SPAG16: variants seen among roughly 807,000 people sequenced by gnomAD.
The protein encoded by SPAG16 is sperm-associated antigen 16 protein.
SPAG16 carries 86 observed loss-of-function variants against 80.4 expected under a neutral mutation model. The ratio of observed to expected loss-of-function variants is 1.07; its 90% CI spans 0.90 to 1.28. SPAG16 has a LOEUF of 1.28. SPAG16 is among the 50% of genes most tolerant of loss of function. The probability of loss-of-function intolerance (pLI) is 0.00; values close to 1 mark genes in which losing one functional copy is unlikely to be tolerated. For missense variants in SPAG16, 870 were observed against 765.3 expected (o/e 1.14, Z -1.61); for synonymous variants, 294 against 265.9 (o/e 1.11, Z -1.03).
intron 10 of SPAG16, among the ~76,000 whole-genome samples, chr2:213,676,461 A>C (rs866809310): frequency 4.0e-5 from 6 of 149,980 alleles, no homozygotes; most frequent in African/African-American, 9.9e-5. Flanking sequence ...GTCTTGTGCC[A>C]GTTTTCAAAG....
chr2:213,437,649 T>C (rs916767546), intron 9 of SPAG16, among the ~76,000 whole-genome samples: 1 of 152,200 alleles, frequency 6.6e-6, no homozygotes, highest in Non-Finnish European at 1.5e-5. Context: ...TGACCTTTAC[T>C]TTTTACCCCA....
chr2:213,995,522 G>A (rs1181895103), intron 12 of SPAG16, among the ~76,000 whole-genome samples: 3 of 152,114 alleles, frequency 2.0e-5, no homozygotes, highest in African/African-American at 4.8e-5. Context: ...AAGAAATATG[G>A]CATTTCCTTG....
chr2:214,175,623 C>T (rs1045683488), intron 15 of SPAG16, among the ~76,000 whole-genome samples: 8 of 151,256 alleles, frequency 5.3e-5, no homozygotes, highest in Non-Finnish European at 1.0e-4. Context: ...CAAAAAAGAG[C>T]AATGTCAAAA....
intron 12 of SPAG16, among the ~76,000 whole-genome samples, chr2:213,995,701 C>T (rs1204257286): frequency 6.6e-6 from 1 of 152,100 alleles, no homozygotes; most frequent in Non-Finnish European, 1.5e-5. Context: ...GGTCATCTGC[C>T]CACTGCTGAA....
chr2:214,061,709 C>T (rs1039049431), intron 13 of SPAG16, among the ~76,000 whole-genome samples: 25 of 150,886 alleles, frequency 1.7e-4, no homozygotes, highest in African/African-American at 5.6e-4. Flanking sequence ...TGACCAAAAA[C>T]TGGATACTAT....
In SPAG16 at chr2:213,949,179, T is replaced by TTTTTTTTTTTTTTTTGTTTTGTTTTG. The variant is rs1553677674; in HGVS notation, c.1400+19048_1400+19049insTGTTTTGTTTTGTTTTTTTTTTTTTT. On this transcript the variant is annotated intron_variant, in intron 12 of 15. Coordinates refer to ENST00000331683, the MANE Select transcript of SPAG16 (RefSeq NM_024532.5). ...TACTTAATTACAACAGTTTTTTTTT[T>TTTTTTTTTTTTTTTTGTTTTGTTTTG]TTTTTTTTTTTTTTGAGGTAGAGTC... Among the ~76,000 whole-genome samples, 108 of 36,242 alleles carry TTTTTTTTTTTTTTTTGTTTTGTTTTG rather than the reference T, an allele frequency of 3.0e-3. 2 individuals are homozygous for TTTTTTTTTTTTTTTTGTTTTGTTTTG. The highest frequency in any genetic ancestry group is 0.012 in the South Asian group (6 of 508). The allele number at this position is 36,242 out of a possible 152,430, so 23.8% of individuals were successfully genotyped here.
intron 10 of SPAG16, among the ~76,000 whole-genome samples, chr2:213,806,134 A>G (rs1445551724): frequency 6.6e-6 from 1 of 152,192 alleles, no homozygotes; most frequent in East Asian, 1.9e-4. Context: ...ACACATATCA[A>G]TGTTCCAATA....
chr2:213,912,066 T>C (rs2077702523), intron 11 of SPAG16, among the ~76,000 whole-genome samples: 3 of 152,258 alleles, frequency 2.0e-5, no homozygotes, highest in Admixed American at 1.3e-4. Context: ...TAAACTGTAT[T>C]TTACTGATAA....
intron 9 of SPAG16, among the ~76,000 whole-genome samples, chr2:213,482,552 T>A (rs896353050): frequency 3.9e-5 from 6 of 152,096 alleles, no homozygotes; most frequent in Non-Finnish European, 7.4e-5. Flanking sequence ...TATTTAGAAT[T>A]TTTATTTTAT....
intron 12 of SPAG16, among the ~76,000 whole-genome samples, chr2:213,962,171 C>G (rs938947343): frequency 5.3e-5 from 8 of 151,410 alleles, no homozygotes; most frequent in Non-Finnish European, 1.0e-4. Context: ...AGCCCTAATC[C>G]AATAGAACTG....
intron 13 of SPAG16, among the ~76,000 whole-genome samples, chr2:214,021,518 A>T (rs970639467): frequency 8.5e-5 from 13 of 152,094 alleles, no homozygotes; most frequent in African/African-American, 3.1e-4. Context: ...CACAGAAAAG[A>T]CCTGCCCCCA....
intron 12 of SPAG16, among the ~76,000 whole-genome samples, chr2:213,973,035 C>T (rs1478294284): frequency 6.6e-6 from 1 of 152,168 alleles, no homozygotes; most frequent in African/African-American, 2.4e-5. Flanking sequence ...TAATTCTGTG[C>T]TGGGTCACTC....
intron 15 of SPAG16, among the ~76,000 whole-genome samples, chr2:214,284,475 A>G (rs75196224): frequency 0.025 from 3,823 of 152,186 alleles, 116 homozygotes; most frequent in African/African-American, 0.068. Context: ...TATACACCCT[A>G]CTGGTGGTGC....
intron 5 of SPAG16, chr2:213,317,647 A>T (rs2063455891): frequency 1.9e-6 from 2 of 1,033,022 alleles, no homozygotes; most frequent in African/African-American, 3.4e-5. Flanking sequence ...ATGGTTTATA[A>T]CATTTTCTCC....
In SPAG16 at chr2:213,933,332, T is replaced by C. The variant is rs139954452; in HGVS notation, c.1400+3187T>C. On this transcript the variant is annotated intron_variant, in intron 12 of 15. Coordinates refer to ENST00000331683, the MANE Select transcript of SPAG16 (RefSeq NM_024532.5). ...ACAATTCTCATACTCAACCATTGCC[T>C]TCAATGAGATTACAAGTAATTTAAA... Among the ~76,000 whole-genome samples the C allele has an allele frequency of 2.2e-3, 341 of 152,328 alleles. 2 individuals are homozygous for C. The highest frequency in any genetic ancestry group is 7.8e-3 in the African/African-American group (324 of 41,564).
chr2:213,347,779 A>C (rs2065080293), intron 6 of SPAG16, among the ~76,000 whole-genome samples: 1 of 152,166 alleles, frequency 6.6e-6, no homozygotes, highest in African/African-American at 2.4e-5. Context: ...GTTCTTTTAC[A>C]TTTGATGAGG....
intron 8 of SPAG16, 125 bp from the exon 9 acceptor site, chr2:213,374,885 A>C: frequency 1.5e-6 from 1 of 668,684 alleles, no homozygotes; most frequent in East Asian, 2.9e-5. Flanking sequence ...TTTGGGTATC[A>C]ATAATTTAAT....
chr2:214,229,188 A>G (rs1688515130), intron 15 of SPAG16, among the ~76,000 whole-genome samples: 1 of 135,226 alleles, frequency 7.4e-6, no homozygotes, highest in Non-Finnish European at 1.5e-5. Context: ...CTATAGAAGA[A>G]AGTATATAAA....
chr2:213,793,696 A>C (rs1361971371), intron 10 of SPAG16, among the ~76,000 whole-genome samples: 2 of 152,232 alleles, frequency 1.3e-5, no homozygotes, highest in African/African-American at 2.4e-5. Flanking sequence ...TTAAATGAAT[A>C]AAGTAAGATT....
Sources: gnomAD v4.1 joint callset for allele counts (sites outside exome capture counted in the v4.1 genomes callset) on GRCh38, gnomAD v4.1.1 for gene constraint, MANE v1.5 for transcripts, NCBI Gene and HGNC (gene_info 2026-07-23, HGNC 2026-07-21) for gene names.